The following UGGT1 variants were observed in gnomAD, a reference collection of about 807,000 sequenced individuals.
UGGT1 encodes UDP-glucose glycoprotein glucosyltransferase 1, also known as UDP-glucose:glycoprotein glucosyltransferase 1.
A neutral mutation model predicts 203.9 loss-of-function variants in UGGT1; 107 were observed. That is an observed-to-expected ratio of 0.52 (90% confidence interval 0.45 to 0.62). UGGT1 has a LOEUF of 0.62. Ranked by LOEUF, UGGT1 falls within the 20% of genes least tolerant of loss-of-function variation. The probability of loss-of-function intolerance (pLI) is 0.00; values close to 1 mark genes in which losing one functional copy is unlikely to be tolerated. For synonymous variants in UGGT1, 628 were observed against 653.5 expected (o/e 0.96, Z 0.59); for missense variants, 1,673 against 1,867.2 (o/e 0.90, Z 1.92).
rs1558836104 is a variant in UGGT1 at position 128,189,789 on chromosome 2, A to T, written c.*47A>T. 1 of 1,605,578 alleles carries T rather than the reference A, an allele frequency of 6.2e-7. No homozygotes were observed. The highest frequency in any genetic ancestry group is 2.2e-5 in the East Asian group (1 of 44,860). On this transcript the variant is annotated 3_prime_UTR_variant, in exon 41 of 41. Coordinates refer to ENST00000259253, the MANE Select transcript of UGGT1 (RefSeq NM_020120.4). ...TCACCCCATTTGAAAAACAGTTTTT[A>T]TAATAAATGCTAGTTTTTTCTGATC...
intron 1 of UGGT1, among the ~76,000 whole-genome samples, chr2:128,097,084 A>C (rs1687145199): frequency 1.3e-5 from 2 of 152,182 alleles, no homozygotes; most frequent in African/African-American, 4.8e-5. Context: ...GGTTAAAATT[A>C]CCTTGTAGCA....
intron 31 of UGGT1, among the ~76,000 whole-genome samples, chr2:128,176,436 G>A (rs79080757): frequency 0.024 from 3,578 of 149,990 alleles, 47 homozygotes; most frequent in Non-Finnish European, 0.038. Context: ...AAAAAAGAGC[G>A]GAGGCAGTGT....
At chr2:128,091,613 G>C in intron 1 of UGGT1, 198 bp downstream of exon 1, 1 of 1,433,630 alleles carries the variant, frequency 7.0e-7, no homozygotes, top group Non-Finnish European at 9.2e-7. Flanking sequence ...CTTCCGCGGG[G>C]GTGGCGGCGG....
Position 128,193,865 on chromosome 2 carries a change from T to G in UGGT1, c.*4123T>G, listed in dbSNP as rs1042328207. The G allele has an allele frequency of 1.3e-5, 2 of 152,100 alleles. No individual in the cohort carries two copies. Among genetic ancestry groups the G allele is most frequent in the African/African-American group, 4.8e-5 (2 of 41,408 alleles). The allele number at this position is 152,100 out of a possible 1,614,324, so 9.4% of individuals were successfully genotyped here. A position where few individuals can be genotyped will look rare whatever the true frequency, so the allele number is the denominator to read the frequency against. ...TCCTTTTCTAAAATGGCCTTACCTATGTGGCCTGAACGATTAAAAGAAAGA... is the reference window on the plus strand; with the variant it reads ...TCCTTTTCTAAAATGGCCTTACCTAGGTGGCCTGAACGATTAAAAGAAAGA... On this transcript the variant is annotated 3_prime_UTR_variant, in exon 41 of 41. Coordinates refer to ENST00000259253, the MANE Select transcript of UGGT1 (RefSeq NM_020120.4).
At chr2:128,170,080 A>G (rs373915515) in intron 26 of UGGT1, among the ~76,000 whole-genome samples, 29 of 152,234 alleles carry the variant, frequency 1.9e-4, no homozygotes, top group East Asian at 1.5e-3. Context: ...CTCTCTTTAC[A>G]TGGACCTTTC....
At chr2:128,149,601 T>C (rs1194557326) in intron 18 of UGGT1, among the ~76,000 whole-genome samples, 9 of 148,242 alleles carry the variant, frequency 6.1e-5, no homozygotes, top group Non-Finnish European at 8.9e-5. Context: ...CCATCTCTAC[T>C]AAAAATCCAA....
chr2:128,102,453 A>G (rs1301848605), intron 2 of UGGT1, among the ~76,000 whole-genome samples: 1 of 152,220 alleles, frequency 6.6e-6, no homozygotes, highest in Non-Finnish European at 1.5e-5. Context: ...CTGTAAAATC[A>G]TAATTTATGC....
intron 17 of UGGT1, among the ~76,000 whole-genome samples, chr2:128,144,462 T>C (rs1004930088): frequency 2.0e-5 from 3 of 152,226 alleles, no homozygotes; most frequent in African/African-American, 7.2e-5. Flanking sequence ...ATTTATCTTA[T>C]TGTATCTTGG....
At chr2:128,120,006 G>A (rs1450242044) in intron 8 of UGGT1, among the ~76,000 whole-genome samples, 2 of 151,562 alleles carry the variant, frequency 1.3e-5, no homozygotes, top group Non-Finnish European at 2.9e-5. Context: ...GGAACTCCTG[G>A]GCTCAAGTGA....
intron 30 of UGGT1, among the ~76,000 whole-genome samples, chr2:128,174,311 T>G (rs928127978): frequency 3.5e-5 from 5 of 142,322 alleles, no homozygotes; most frequent in Admixed American, 3.4e-4. Context: ...TTGTACTAGT[T>G]TTTTTTTTTT....
chr2:128,187,250 C>T (rs1268402551), intron 39 of UGGT1, 199 bp from the exon 40 acceptor site: 1 of 475,908 alleles, frequency 2.1e-6, no homozygotes, highest in Non-Finnish European at 3.5e-6. Context: ...TCCTGCCTTC[C>T]ATTAGCCACT....
chr2:128,182,823 T>A (rs1031934479), intron 37 of UGGT1, among the ~76,000 whole-genome samples: 1 of 151,804 alleles, frequency 6.6e-6, no homozygotes, highest in African/African-American at 2.4e-5. Context: ...CCAGATTTTC[T>A]TAATTCTTAC....
intron 16 of UGGT1, among the ~76,000 whole-genome samples, chr2:128,141,901 C>T (rs1355608448): frequency 1.3e-5 from 2 of 151,712 alleles, no homozygotes; most frequent in Non-Finnish European, 2.9e-5. Context: ...TCCTAAACAT[C>T]GTGGATGTAG....
chr2:128,120,488 C>T, intron 9 of UGGT1, 32 bp downstream of exon 9: 8 of 1,574,910 alleles, frequency 5.1e-6, no homozygotes, highest in Non-Finnish European at 7.0e-6. Flanking sequence ...CATTGGCCTA[C>T]TTTTTGGCTA....
chr2:128,180,313 T>C (rs927932399), intron 35 of UGGT1, among the ~76,000 whole-genome samples: 28 of 152,234 alleles, frequency 1.8e-4, no homozygotes, highest in African/African-American at 6.3e-4. Flanking sequence ...TATCAGTCAG[T>C]ATTTGTCATC....
intron 5 of UGGT1, among the ~76,000 whole-genome samples, chr2:128,112,642 G>A (rs1687924863): frequency 6.7e-6 from 1 of 148,612 alleles, no homozygotes; most frequent in Admixed American, 6.8e-5. Flanking sequence ...GAGTCCAGTG[G>A]AATGATCATG....
At chr2:128,134,585 A>G (rs1689041379) in intron 14 of UGGT1, among the ~76,000 whole-genome samples, 1 of 152,210 alleles carries the variant, frequency 6.6e-6, no homozygotes, top group Non-Finnish European at 1.5e-5. Flanking sequence ...AAGGTGAGAG[A>G]GTTGCTAAAC....
intron 15 of UGGT1, among the ~76,000 whole-genome samples, chr2:128,136,953 A>G (rs1415656871): frequency 6.6e-6 from 1 of 152,174 alleles, no homozygotes; most frequent in African/African-American, 2.4e-5. Flanking sequence ...GCCGTTCCCT[A>G]ATGACATATG....
In UGGT1 at chr2:128,095,531, C is replaced by CTG. The variant is rs1687081683; in HGVS notation, c.59-1898_59-1897insTG. ...CCTCCTGTCCTGCTCTCCTCCTGTC[C>CTG]CGTAACTCCTCCTGTCCCGCTCTGT... On this transcript the variant is annotated intron_variant, in intron 1 of 40. Transcript: ENST00000259253. Among the ~76,000 whole-genome samples the CTG allele has an allele frequency of 2.0e-5, 3 of 151,030 alleles. 1 individual carries two copies. Among genetic ancestry groups the CTG allele is most frequent in the Non-Finnish European group, 1.5e-5 (1 of 67,816 alleles).
Sources: allele counts gnomAD v4.1 joint callset (sites outside exome capture counted in the v4.1 genomes callset), GRCh38; gene constraint gnomAD v4.1.1; transcripts MANE v1.5; gene names NCBI Gene and HGNC (gene_info 2026-07-23, HGNC 2026-07-21).